The following GAS7 variants were observed in gnomAD, a reference collection of about 807,000 sequenced individuals.
GAS7 encodes growth arrest-specific protein 7.
GAS7 carries 28 observed loss-of-function variants against 71.1 expected under a neutral mutation model. The ratio of observed to expected loss-of-function variants is 0.39; its 90% CI spans 0.29 to 0.54. GAS7 has a LOEUF of 0.54. Ranked by LOEUF, GAS7 falls within the 20% of genes least tolerant of loss-of-function variation. The probability of loss-of-function intolerance (pLI) is 0.62; values close to 1 mark genes in which losing one functional copy is unlikely to be tolerated. For synonymous variants in GAS7, 258 were observed against 245.8 expected, an observed-to-expected ratio of 1.05 and a Z score of -0.46; for missense variants, 436 against 627.8, an observed-to-expected ratio of 0.69 and a Z score of 3.27.
At chr17:10,109,915 G>A (rs1424687847) in intron 1 of GAS7, among the ~76,000 whole-genome samples, 1 of 152,114 alleles carries the variant, frequency 6.6e-6, no homozygotes, top group Admixed American at 6.5e-5. Context: ...TCAGCTGGGC[G>A]TGGTGGTGGG....
intron 1 of GAS7, among the ~76,000 whole-genome samples, chr17:10,083,286 G>A (rs1334224650): frequency 6.6e-6 from 1 of 152,202 alleles, no homozygotes; most frequent in African/African-American, 2.4e-5. Flanking sequence ...CCAGCACTTG[G>A]GAGGCTGAGA....
rs2067465664 is a variant in GAS7, at chr17:9,912,514, C to G, written c.*4714G>C. ...CCAACGCCCAATACATAGCCAAGGA[C>G]CGTGTGACACTGAAGCCTGGGTCCC... On this transcript the variant is annotated 3_prime_UTR_variant, in exon 14 of 14. Transcript: ENST00000432992. 4.3e-6 allele frequency: 1 copy of G among 232,828 alleles called. No homozygotes were observed. The highest frequency in any genetic ancestry group is 1.8e-4 in the South Asian group (1 of 5,532). The allele number at this position is 232,828 out of a possible 1,614,324, so 14.4% of individuals were successfully genotyped here. A position where few individuals can be genotyped will look rare whatever the true frequency, so the allele number is the denominator to read the frequency against.
chr17:10,158,348 A>AAAAAAAC (rs2074222333), intron 1 of GAS7, among the ~76,000 whole-genome samples: 3 of 146,178 alleles, frequency 2.1e-5, no homozygotes, highest in African/African-American at 5.1e-5. Context: ...AAAAAAAAAA[A>AAAAAAAC]AAAAAAAAAA....
chr17:9,986,318 A>T (rs1043187890), intron 2 of GAS7, among the ~76,000 whole-genome samples: 1 of 152,172 alleles, frequency 6.6e-6, no homozygotes, highest in East Asian at 1.9e-4. Flanking sequence ...GCTGATGTGC[A>T]GACACCACCT....
intron 3 of GAS7, among the ~76,000 whole-genome samples, chr17:9,973,455 T>C (rs571037417): frequency 6.6e-6 from 1 of 152,220 alleles, no homozygotes; most frequent in African/African-American, 2.4e-5. Context: ...GGTTTCACTA[T>C]GTTGACCAGG....
rs1308214985 is a variant in GAS7 at position 10,103,109 on chromosome 17, T to C, written c.184-83212A>G. Among the ~76,000 whole-genome samples, 1 of 152,036 alleles carries C rather than the reference T, an allele frequency of 6.6e-6. No individual in the cohort carries two copies. The highest frequency in any genetic ancestry group is 2.4e-5 in the African/African-American group (1 of 41,396). On this transcript the variant is annotated intron_variant, in intron 1 of 13. Coordinates refer to ENST00000432992, the MANE Select transcript of GAS7 (RefSeq NM_201433.2). This position sits in a 1 kb window ranked among gnomAD's most constrained non-coding sequence, Gnocchi z 5.5. ...GCTCACACCTGTAATCCCAGCATTT[T>C]GGGAGGCCGAGGTGGGCAGATTGCT...
At chr17:9,989,580 G>A (rs2070765491) in intron 2 of GAS7, among the ~76,000 whole-genome samples, 1 of 152,010 alleles carries the variant, frequency 6.6e-6, no homozygotes, top group Admixed American at 6.6e-5. Context: ...ATTGGGGGAG[G>A]GAGTTGTGCC....
chr17:10,005,268 T>A (rs952278421), intron 2 of GAS7, among the ~76,000 whole-genome samples: 1 of 151,476 alleles, frequency 6.6e-6, no homozygotes, highest in Non-Finnish European at 1.5e-5. Flanking sequence ...CACATACATG[T>A]ATGTATATGT....
At chr17:10,005,549 T>C (rs1361921516) in intron 2 of GAS7, among the ~76,000 whole-genome samples, 3 of 152,032 alleles carry the variant, frequency 2.0e-5, no homozygotes, top group African/African-American at 4.8e-5. Flanking sequence ...CAACCAGCTG[T>C]GTTCATGCAG....
intron 3 of GAS7, among the ~76,000 whole-genome samples, chr17:9,973,277 C>T (rs1361414783): frequency 1.4e-5 from 2 of 147,088 alleles, no homozygotes; most frequent in African/African-American, 2.5e-5. Flanking sequence ...TTTTTTGAGA[C>T]GGAGTCTTGC....
rs146705854 is a variant in GAS7, at chr17:9,964,577, T to C, written c.471+5100A>G. Among the ~76,000 whole-genome samples the C allele has an allele frequency of 3.5e-4, 53 of 152,350 alleles. No individual in the cohort carries two copies. In the East Asian group the frequency reaches 0.01, roughly 29 times the overall value. ...ATTCCCTCCCCTGGAAAGCTATTCT[T>C]TCCCCACCTCTTTGCCAAGTGAAAC... is the stretch of plus-strand genomic sequence containing the variant. On this transcript the variant is annotated intron_variant, in intron 4 of 13. Coordinates refer to ENST00000432992, the MANE Select transcript of GAS7 (RefSeq NM_201433.2).
intron 2 of GAS7, among the ~76,000 whole-genome samples, chr17:9,986,139 G>A (rs1372699015): frequency 6.6e-6 from 1 of 152,182 alleles, no homozygotes; most frequent in African/African-American, 2.4e-5. Flanking sequence ...GGACAGATGG[G>A]CCAACAGAAA....
intron 1 of GAS7, among the ~76,000 whole-genome samples, chr17:10,181,371 G>C (rs1434367422): frequency 1.6e-5 from 2 of 128,660 alleles, no homozygotes; most frequent in East Asian, 5.2e-4. Context: ...AAAAAAAAAA[G>C]AATAGAATAG....
chr17:9,912,781 A>G lies in GAS7; in HGVS notation c.*4447T>C, dbSNP rs1190492883. The G allele has an allele frequency of 4.3e-6, 1 of 232,562 alleles. No homozygotes were observed. Among genetic ancestry groups the G allele is most frequent in the Non-Finnish European group, 8.5e-6 (1 of 117,702 alleles). The allele number at this position is 232,562 out of a possible 1,614,324, so 14.4% of individuals were successfully genotyped here. On this transcript the variant is annotated 3_prime_UTR_variant, in exon 14 of 14. Transcript: ENST00000432992. ...CAAGCTGGAAGTGGTCGTGCAAACA[A>G]GTTGAAGACCCTGGGCCAAGAACTT...
At chr17:10,084,405 G>A (rs548788417) in intron 1 of GAS7, among the ~76,000 whole-genome samples, 9 of 152,274 alleles carry the variant, frequency 5.9e-5, no homozygotes, top group African/African-American at 1.7e-4. Flanking sequence ...GAGGCCCCAA[G>A]TGAGATTTGT....
At position 9,974,703 on chromosome 17, in the gene GAS7, G is replaced by T. The variant is rs1294983082; in HGVS notation, c.386-4941C>A. On this transcript the variant is annotated intron_variant, in intron 3 of 13. Transcript: ENST00000432992. The surrounding 1 kb of genome is among the most constrained non-coding windows in gnomAD (Gnocchi z 4.0). ...GCTTAGGAGGTGTCTAATGAGAGGA[G>T]GGGACAGATATTTGGGTAGAAAAGA... is the stretch of plus-strand genomic sequence containing the variant. Among the ~76,000 whole-genome samples the T allele has an allele frequency of 2.0e-5, 3 of 152,130 alleles. No individual in the cohort carries two copies. Among genetic ancestry groups the T allele is most frequent in the Non-Finnish European group, 4.4e-5 (3 of 68,026 alleles).
chr17:9,962,942 C>A (rs1216381997), intron 4 of GAS7, among the ~76,000 whole-genome samples: 2 of 151,638 alleles, frequency 1.3e-5, no homozygotes, highest in Non-Finnish European at 2.9e-5. Flanking sequence ...AACTCCAGAA[C>A]CTGAACCTAC....
At chr17:10,021,967 G>C (rs977644066) in intron 1 of GAS7, among the ~76,000 whole-genome samples, 30 of 152,274 alleles carry the variant, frequency 2.0e-4, no homozygotes, top group African/African-American at 7.2e-4. Flanking sequence ...GATTAAAACT[G>C]AGGGTTAGGG....
chr17:10,047,857 CA>C (rs2073001921), intron 1 of GAS7, among the ~76,000 whole-genome samples: 2 of 151,602 alleles, frequency 1.3e-5, no homozygotes, highest in Admixed American at 6.6e-5. Context: ...TTGCAAAGGA[CA>C]AAAAGCAAGG....
Sources: allele counts gnomAD v4.1 joint callset (sites outside exome capture counted in the v4.1 genomes callset), GRCh38; gene constraint gnomAD v4.1.1; non-coding constraint Gnocchi (gnomAD v3.1); transcripts MANE v1.5; gene names NCBI Gene and HGNC (gene_info 2026-07-23, HGNC 2026-07-21).